Variants in AHCYL2 observed in about 807,000 individuals in gnomAD.
AHCYL2 encodes adenosylhomocysteinase like 2, also known as S-adenosylhomocysteine hydrolase-like protein 2.
In AHCYL2, 28 loss-of-function variants were observed where a neutral mutation model predicts 81.4. The observed-to-expected ratio is 0.34, with a 90% CI of 0.25 to 0.47. The LOEUF is 0.47. Ranked by LOEUF, AHCYL2 falls within the 20% of genes least tolerant of loss-of-function variation. The pLI, the probability that AHCYL2 is intolerant of heterozygous loss-of-function variation, is 1.00. For synonymous variants in AHCYL2, 272 were observed against 290.2 expected, an observed-to-expected ratio of 0.94 and a Z score of 0.64; for missense variants, 551 against 785.1, an observed-to-expected ratio of 0.70 and a Z score of 3.56.
At chr7:129,283,838 A>G (rs569356924) in intron 1 of AHCYL2, among the ~76,000 whole-genome samples, 4 of 152,260 alleles carry the variant, frequency 2.6e-5, no homozygotes, top group South Asian at 2.1e-4. Context: ...AAACCAGTCT[A>G]CCTATCTTGT....
intron 1 of AHCYL2, among the ~76,000 whole-genome samples, chr7:129,338,114 G>A (rs1793022141): frequency 6.6e-6 from 1 of 151,912 alleles, no homozygotes; most frequent in Admixed American, 6.6e-5. Context: ...GTATATCTGT[G>A]GGACAGATTG....
At chr7:129,375,837 C>G (rs1794657596) in intron 1 of AHCYL2, 1 of 1,535,586 alleles carries the variant, frequency 6.5e-7, no homozygotes, top group Non-Finnish European at 8.7e-7. Flanking sequence ...GTCCCTGGAC[C>G]ACAGAGGTGG....
intron 2 of AHCYL2, chr7:129,388,840 C>T (rs927958608): frequency 6.3e-6 from 3 of 476,826 alleles, no homozygotes; most frequent in African/African-American, 2.0e-5. Flanking sequence ...ATAAAGTTAG[C>T]CCTACATTTC....
intron 4 of AHCYL2, 31 bp downstream of exon 4, chr7:129,389,765 C>A: frequency 1.9e-6 from 3 of 1,569,192 alleles, no homozygotes; most frequent in Non-Finnish European, 2.6e-6. Context: ...CTTTTAATTA[C>A]AATAGTTAAT....
chr7:129,375,178 A>G (rs55692133), intron 1 of AHCYL2, among the ~76,000 whole-genome samples: 1,957 of 152,332 alleles, frequency 0.013, 41 homozygotes, highest in African/African-American at 0.045. Context: ...ACCAAATGTC[A>G]AAACCTGTAT....
chr7:129,292,013 G>C (rs930248805), intron 1 of AHCYL2, among the ~76,000 whole-genome samples: 3 of 151,760 alleles, frequency 2.0e-5, no homozygotes, highest in Non-Finnish European at 2.9e-5. Context: ...TTTCATGGTT[G>C]GTATTAAGAC....
chr7:129,340,585 A>T (rs1161390728), intron 1 of AHCYL2, among the ~76,000 whole-genome samples: 2 of 151,094 alleles, frequency 1.3e-5, no homozygotes, highest in South Asian at 2.1e-4. Flanking sequence ...AAAAAAAAAA[A>T]TTTCTCCCCT....
intron 1 of AHCYL2, among the ~76,000 whole-genome samples, chr7:129,324,423 C>T (rs1021839305): frequency 6.6e-6 from 1 of 151,954 alleles, no homozygotes; most frequent in Non-Finnish European, 1.5e-5. Context: ...CTATTTTTCC[C>T]ACCTCTTCTT....
intron 1 of AHCYL2, among the ~76,000 whole-genome samples, chr7:129,321,531 C>A (rs1412510612): frequency 1.3e-5 from 2 of 152,034 alleles, no homozygotes; most frequent in Admixed American, 6.6e-5. Flanking sequence ...TGATATTATT[C>A]TTTTCATATA....
chr7:129,424,373 C>G (rs1797259059), intron 13 of AHCYL2, among the ~76,000 whole-genome samples: 1 of 152,100 alleles, frequency 6.6e-6, no homozygotes, highest in Non-Finnish European at 1.5e-5. Context: ...GAACTCCAGC[C>G]TGGGCAACAG....
intron 1 of AHCYL2, among the ~76,000 whole-genome samples, chr7:129,255,501 A>G (rs1795383793): frequency 6.6e-6 from 1 of 152,252 alleles, no homozygotes; most frequent in Non-Finnish European, 1.5e-5. Context: ...TCTATTGGAC[A>G]GTGTGGGTCG....
chr7:129,332,936 G>A (rs895057046), intron 1 of AHCYL2, among the ~76,000 whole-genome samples: 1 of 152,152 alleles, frequency 6.6e-6, no homozygotes, highest in African/African-American at 2.4e-5. Context: ...TGGCTATTTA[G>A]AATATGATGA....
At chr7:129,265,006 T>A (rs1321705480) in intron 1 of AHCYL2, among the ~76,000 whole-genome samples, 1 of 152,238 alleles carries the variant, frequency 6.6e-6, no homozygotes, top group East Asian at 1.9e-4. Context: ...AGATTCTAAC[T>A]TGAGTAAGTT....
At chr7:129,385,392 A>G (rs1195899010) in intron 2 of AHCYL2, among the ~76,000 whole-genome samples, 1 of 152,230 alleles carries the variant, frequency 6.6e-6, no homozygotes, top group Non-Finnish European at 1.5e-5. Context: ...TTCTCCTAGC[A>G]GTAACTCACA....
At chr7:129,410,267 T>A (rs1400005211) in intron 11 of AHCYL2, 9 of 1,614,124 alleles carry the variant, frequency 5.6e-6, no homozygotes, top group Non-Finnish European at 6.8e-6. Context: ...AACTTCCACA[T>A]CTTCCTTCTG....
chr7:129,328,715 A>G (rs1314698339), intron 1 of AHCYL2, among the ~76,000 whole-genome samples: 1 of 151,258 alleles, frequency 6.6e-6, no homozygotes, highest in African/African-American at 2.4e-5. Context: ...TGAACTCCTG[A>G]CCTCAAATGA....
At chr7:129,337,988 C>T (rs1359207535) in intron 1 of AHCYL2, among the ~76,000 whole-genome samples, 1 of 152,206 alleles carries the variant, frequency 6.6e-6, no homozygotes, top group Admixed American at 6.5e-5. Flanking sequence ...AGGTGATCCA[C>T]CTGCCTTGGC....
chr7:129,357,409 A>G (rs951027045), intron 1 of AHCYL2, among the ~76,000 whole-genome samples: 1 of 152,236 alleles, frequency 6.6e-6, no homozygotes, highest in African/African-American at 2.4e-5. Context: ...AGTTGTTTCT[A>G]AGTCTAAAAT....
In AHCYL2 at chr7:129,428,001, G is replaced by C. The variant is rs951521869; in HGVS notation, c.*956G>C. 2 of 152,222 alleles carry C rather than the reference G, an allele frequency of 1.3e-5. No individual in the cohort carries two copies. Among genetic ancestry groups the C allele is most frequent in the Admixed American group, 1.3e-4 (2 of 15,276 alleles). 9.4% of individuals were successfully genotyped at this position (152,222 alleles called of 1,614,324 possible). ...AAAGGCATACTTTTCCAGGGACTTAGGGGGATAGGCTTTGGAAATGGGACA... is the reference window on the plus strand; with the variant it reads ...AAAGGCATACTTTTCCAGGGACTTACGGGGATAGGCTTTGGAAATGGGACA... On this transcript the variant is annotated 3_prime_UTR_variant, in exon 17 of 17. Coordinates refer to ENST00000325006, the MANE Select transcript of AHCYL2 (RefSeq NM_015328.4).
Sources: gnomAD v4.1 joint callset for allele counts (sites outside exome capture counted in the v4.1 genomes callset) on GRCh38, gnomAD v4.1.1 for gene constraint, MANE v1.5 for transcripts, NCBI Gene and HGNC (gene_info 2026-07-23, HGNC 2026-07-21) for gene names.